Variants in PIWIL2 observed in about 807,000 individuals in gnomAD.
PIWIL2 encodes piwi like RNA-mediated gene silencing 2.
In PIWIL2, 81 loss-of-function variants were observed where a neutral mutation model predicts 116.5. The ratio of observed to expected loss-of-function variants is 0.70; its 90% confidence interval spans 0.58 to 0.84. The LOEUF is 0.84. Among genes scored for constraint, PIWIL2 ranks in the 40% least tolerant of loss-of-function variants. The probability of loss-of-function intolerance (pLI) is 0.00; values close to 1 mark genes in which losing one functional copy is unlikely to be tolerated. For synonymous variants in PIWIL2, 489 were observed against 429.5 expected (o/e 1.14, Z -1.71); for missense variants, 1,272 against 1,212.3 (o/e 1.05, Z -0.73).
chr8:22,304,976 G>A, intron 12 of PIWIL2, 108 bp downstream of exon 12: 1 of 743,710 alleles, frequency 1.3e-6, no homozygotes, highest in South Asian at 1.6e-5. Flanking sequence ...CAATCGTAGT[G>A]TAGTTGCGGA....
chr8:22,324,742 A>G (rs2132069522), intron 20 of PIWIL2, among the ~76,000 whole-genome samples: 1 of 152,346 alleles, frequency 6.6e-6, no homozygotes, highest in African/African-American at 2.4e-5. Flanking sequence ...TTAAATTAAA[A>G]TGAGGTCATT....
rs553324548 is a variant in PIWIL2, at chr8:22,344,408, A to G, written c.2404-8551A>G. The stretch of plus-strand genomic sequence containing the variant: ...ATGCAATATGATAACAAAAGGGGAA[A>G]CTGTTTATGGGTGGGGATAGGAGGT... On this transcript the variant is annotated intron_variant, in intron 20 of 22. Coordinates refer to ENST00000356766, the MANE Select transcript of PIWIL2 (RefSeq NM_018068.5). Among the ~76,000 whole-genome samples the G allele has an allele frequency of 2.0e-5, 3 of 152,340 alleles. No homozygotes were observed. In the East Asian group the frequency reaches 5.8e-4, roughly 29 times the overall value.
intron 20 of PIWIL2, among the ~76,000 whole-genome samples, chr8:22,340,348 C>T (rs959557012): frequency 2.6e-5 from 4 of 152,134 alleles, no homozygotes; most frequent in African/African-American, 7.2e-5. Context: ...TGAGCCACCA[C>T]GCCTGGCCTA....
chr8:22,283,119 C>G lies in PIWIL2; in HGVS notation c.511C>G (p.Pro171Ala), dbSNP rs1177258841. ...TATCAGCAGAGAAGTGGACAAGCCT[C>G]CCTGTACCTTCAGCACACCGTCCCG... is the stretch of plus-strand genomic sequence containing the variant. ...GGISREVDKPPCTFSTPSRGP... is the reference protein window; with the variant it reads ...GGISREVDKPACTFSTPSRGP... The change falls in exon 5 of 23, where the codon CCC becomes GCC. Residue 171 changes from proline (P) to alanine (A), a missense_variant. Physicochemically the swap from Pro to Ala is conservative, Grantham distance 27. Transcript: ENST00000356766. The G allele has an allele frequency of 6.2e-7, 1 of 1,614,188 alleles. No homozygotes were observed. The highest frequency in any genetic ancestry group is 1.7e-5 in the Admixed American group (1 of 60,014).
intron 4 of PIWIL2, 33 bp downstream of exon 4, chr8:22,281,548 A>C (rs747996537): frequency 6.6e-7 from 1 of 1,516,664 alleles, no homozygotes; most frequent in Non-Finnish European, 8.8e-7. Context: ...GTAACTATCA[A>C]ATTCAGATGG....
chr8:22,325,671 A>T (rs1343163327), intron 20 of PIWIL2, among the ~76,000 whole-genome samples: 11 of 151,728 alleles, frequency 7.2e-5, no homozygotes, highest in Admixed American at 7.2e-4. Flanking sequence ...TTTAGTAGAG[A>T]TGGGATTTCA....
chr8:22,304,736 G>C, intron 11 of PIWIL2, 48 bp from the exon 12 acceptor site: 1 of 1,042,634 alleles, frequency 9.6e-7, no homozygotes. Flanking sequence ...TGCTCTAAGA[G>C]TATTGATGCT....
At chr8:22,330,296 T>C (rs923593153) in intron 20 of PIWIL2, among the ~76,000 whole-genome samples, 3 of 152,206 alleles carry the variant, frequency 2.0e-5, no homozygotes, top group African/African-American at 7.2e-5. Context: ...TGGTTCTTTC[T>C]TGTAATTTCT....
intron 19 of PIWIL2, among the ~76,000 whole-genome samples, chr8:22,316,751 G>C (rs1831469461): frequency 6.6e-6 from 1 of 151,982 alleles, no homozygotes; most frequent in Non-Finnish European, 1.5e-5. Flanking sequence ...CACAGTGCTT[G>C]GATTACAGGC....
rs777757012 is a variant in PIWIL2, at chr8:22,288,549, A to G, written c.869A>G (p.Glu290Gly). 6 of 1,611,954 alleles carry G rather than the reference A, an allele frequency of 3.7e-6. No homozygotes were observed. Among genetic ancestry groups the G allele is most frequent in the Non-Finnish European group, 5.1e-6 (6 of 1,178,630 alleles). ...YLPVKLQQVL[E>G]LKSQRKTDSA... ...TGTGTATTTATTTGTTAGGTTCTTG[A>G]GTTAAAAAGTCAAAGGAAAACAGAC... The change falls in exon 8 of 23, where the codon GAG becomes GGG. Residue 290 changes from glutamate (E) to glycine (G), a missense_variant. By Grantham distance (98) the Glu-to-Gly change is moderately conservative. Coordinates refer to ENST00000356766, the MANE Select transcript of PIWIL2 (RefSeq NM_018068.5).
intron 20 of PIWIL2, among the ~76,000 whole-genome samples, chr8:22,339,739 TC>T (rs1273781991): frequency 6.6e-6 from 1 of 152,176 alleles, no homozygotes; most frequent in African/African-American, 2.4e-5. Context: ...ATGGAAAGGC[TC>T]TAGTATCCAG....
At chr8:22,293,426 A>G (rs1830811210) in intron 10 of PIWIL2, among the ~76,000 whole-genome samples, 1 of 152,022 alleles carries the variant, frequency 6.6e-6, no homozygotes, top group South Asian at 2.1e-4. Context: ...TGCAACCTCC[A>G]CCTTCCGGGT....
At position 22,294,442 on chromosome 8, in the gene PIWIL2, CCATCCTGGCCAA is replaced by C. The variant is rs1220365352; in HGVS notation, c.1181+4099_1181+4110del. 2.0e-5 allele frequency among the ~76,000 whole-genome samples: 3 copies of C among 149,846 alleles called. 1 individual carries two copies. In the South Asian group the frequency reaches 6.3e-4, roughly 32 times the overall value. On this transcript the variant is annotated intron_variant, in intron 10 of 22. Transcript: ENST00000356766. ...AGATCATGAAGTCAGGCGATCGAGACCATCCTGGCCAACACGGTGAAACCCCGTCTCTACTAA... is the reference window on the plus strand; with the variant it reads ...AGATCATGAAGTCAGGCGATCGAGACCACGGTGAAACCCCGTCTCTACTAA...
rs952110817 is a variant in PIWIL2 at position 22,356,791 on chromosome 8, A to G, written c.*1286A>G. ...ACGTGACACTCCTACCAAAGTCCAG[A>G]TGGTTAGAAAGTTATCACATACCAT... On this transcript the variant is annotated 3_prime_UTR_variant, in exon 23 of 23. Transcript: ENST00000356766. 7 of 152,126 alleles carry G rather than the reference A, an allele frequency of 4.6e-5. No individual in the cohort carries two copies. The highest frequency in any genetic ancestry group is 1.7e-4 in the African/African-American group (7 of 41,396). The allele number at this position is 152,126 out of a possible 1,614,324, so 9.4% of individuals were successfully genotyped here.
chr8:22,326,570 G>A (rs1831730083), intron 20 of PIWIL2, among the ~76,000 whole-genome samples: 1 of 152,038 alleles, frequency 6.6e-6, no homozygotes, highest in African/African-American at 2.4e-5. Context: ...TGTCTATTTT[G>A]CCTATATTGT....
chr8:22,351,539 T>TG (rs1563435775), intron 20 of PIWIL2, among the ~76,000 whole-genome samples: 1 of 143,788 alleles, frequency 7.0e-6, no homozygotes, highest in African/African-American at 2.5e-5. Context: ...TTTTTTTGTT[T>TG]TTTTGTTTTT....
chr8:22,290,198 G>A lies in PIWIL2; in HGVS notation c.1068-35G>A, dbSNP rs750449049. 2.5e-5 allele frequency: 33 copies of A among 1,340,046 alleles called. No homozygotes were observed. The East Asian group carries it at 7.5e-4, about 30-fold the overall frequency. The allele number at this position is 1,340,046 out of a possible 1,614,324, so 83.0% of individuals were successfully genotyped here. ...GGGCATGGAAGTATATGTGTTCTTT[G>A]AAAATCCTACAGTTGAGACCACCTC... On this transcript the variant is annotated intron_variant, in intron 9 of 22. Coordinates refer to ENST00000356766, the MANE Select transcript of PIWIL2 (RefSeq NM_018068.5).
intron 20 of PIWIL2, among the ~76,000 whole-genome samples, chr8:22,336,966 G>A (rs757389572): frequency 6.6e-5 from 10 of 152,122 alleles, no homozygotes; most frequent in Non-Finnish European, 1.5e-4. Context: ...AGAATAATGT[G>A]AACAACTATG....
intron 19 of PIWIL2, 59 bp from the exon 20 acceptor site, chr8:22,318,111 T>C: frequency 9.6e-7 from 1 of 1,044,984 alleles, no homozygotes; most frequent in Non-Finnish European, 1.5e-6. Flanking sequence ...CCATAGGCTG[T>C]CCCCTTCGAG....
Sources: gnomAD v4.1 joint callset for allele counts (sites outside exome capture counted in the v4.1 genomes callset) on GRCh38, gnomAD v4.1.1 for gene constraint, MANE v1.5 for transcripts, NCBI Gene and HGNC (gene_info 2026-07-23, HGNC 2026-07-21) for gene names.